The following HS3ST4 variants were observed in gnomAD, a reference collection of about 807,000 sequenced individuals.
HS3ST4 encodes heparan sulfate glucosamine 3-O-sulfotransferase 4.
HS3ST4 carries 17 observed loss-of-function variants against 29.2 expected under a neutral mutation model. The ratio of observed to expected loss-of-function variants is 0.58; its 90% CI spans 0.40 to 0.87. The LOEUF is 0.87. HS3ST4 is among the 40% of genes least tolerant of loss of function. The pLI is 0.00. For synonymous variants in HS3ST4, 314 were observed against 285.7 expected, an observed-to-expected ratio of 1.10 and a Z score of -1.00; for missense variants, 627 against 634.5, an observed-to-expected ratio of 0.99 and a Z score of 0.13.
At chr16:25,872,304 G>T (rs1015627463) in intron 1 of HS3ST4, among the ~76,000 whole-genome samples, 16 of 152,106 alleles carry the variant, frequency 1.1e-4, no homozygotes, top group Non-Finnish European at 1.5e-5. Context: ...TAGTCTGCTG[G>T]AGTGGTTGTG....
intron 1 of HS3ST4, among the ~76,000 whole-genome samples, chr16:25,912,392 C>T (rs1968250043): frequency 6.6e-6 from 1 of 152,108 alleles, no homozygotes; most frequent in Non-Finnish European, 1.5e-5. Flanking sequence ...AGACTTTTTA[C>T]CCCATTTCTG....
At chr16:25,923,700 C>G (rs558450929) in intron 1 of HS3ST4, among the ~76,000 whole-genome samples, 2 of 152,326 alleles carry the variant, frequency 1.3e-5, no homozygotes, top group Middle Eastern at 3.4e-3. Context: ...ATTGTCCCCT[C>G]TCACTGCCTG....
intron 1 of HS3ST4, among the ~76,000 whole-genome samples, chr16:25,693,389 G>A (rs1966271735): frequency 6.6e-6 from 1 of 152,238 alleles, no homozygotes; most frequent in South Asian, 2.1e-4. Context: ...CCTGCCTCCC[G>A]CGCTCCTCAT....
At chr16:26,045,481 T>A (rs1596661590) in intron 1 of HS3ST4, among the ~76,000 whole-genome samples, 1 of 152,164 alleles carries the variant, frequency 6.6e-6, no homozygotes, top group East Asian at 1.9e-4. Flanking sequence ...ACTAATTTAG[T>A]TGAATGTAGC....
intron 1 of HS3ST4, among the ~76,000 whole-genome samples, chr16:25,983,823 A>C (rs3935163): frequency 0.42 from 63,546 of 152,026 alleles, 14,692 homozygotes; most frequent in East Asian, 0.79. Flanking sequence ...TAGTAATTTC[A>C]GGGTTGGTGG....
intron 1 of HS3ST4, among the ~76,000 whole-genome samples, chr16:25,970,798 TC>T (rs1968889363): frequency 6.6e-6 from 1 of 152,120 alleles, no homozygotes; most frequent in Non-Finnish European, 1.5e-5. Context: ...ATTTATTCAT[TC>T]ATTCATTCCT....
intron 1 of HS3ST4, among the ~76,000 whole-genome samples, chr16:25,717,510 GGTGTGTGTGTGTGTGTGTGTGT>G (rs763190199): frequency 7.5e-6 from 1 of 132,830 alleles, no homozygotes; most frequent in Non-Finnish European, 1.6e-5. Context: ...AAGGTGAAGG[GGTGTGTGTGTGTGTGTGTGTGT>G]GTGTGTGTGT....
At chr16:26,088,211 C>T (rs1898813122) in intron 1 of HS3ST4, among the ~76,000 whole-genome samples, 1 of 152,192 alleles carries the variant, frequency 6.6e-6, no homozygotes, top group Non-Finnish European at 1.5e-5. Flanking sequence ...TGTTCCTCTT[C>T]CTCTAGGTAA....
intron 1 of HS3ST4, among the ~76,000 whole-genome samples, chr16:25,997,071 A>G (rs1026334415): frequency 6.6e-6 from 1 of 152,194 alleles, no homozygotes; most frequent in Non-Finnish European, 1.5e-5. Context: ...TGATTTTTGT[A>G]CATTTATCTC....
chr16:25,726,991 G>T (rs2141592018), intron 1 of HS3ST4, among the ~76,000 whole-genome samples: 1 of 151,648 alleles, frequency 6.6e-6, no homozygotes, highest in African/African-American at 2.4e-5. Context: ...AACCCCACAT[G>T]GCACAATTGT....
At chr16:25,717,831 A>G (rs1966466948) in intron 1 of HS3ST4, among the ~76,000 whole-genome samples, 1 of 152,128 alleles carries the variant, frequency 6.6e-6, no homozygotes, top group Non-Finnish European at 1.5e-5. Flanking sequence ...CCTAATTGCT[A>G]TGTGGGCAAT....
intron 1 of HS3ST4, among the ~76,000 whole-genome samples, chr16:26,001,346 A>G (rs1969210129): frequency 6.6e-6 from 1 of 152,226 alleles, no homozygotes; most frequent in African/African-American, 2.4e-5. Flanking sequence ...ATGTGAATAT[A>G]CATAAAGGGC....
chr16:25,733,644 T>G (rs1456664534), intron 1 of HS3ST4, among the ~76,000 whole-genome samples: 1 of 152,064 alleles, frequency 6.6e-6, no homozygotes, highest in Non-Finnish European at 1.5e-5. Flanking sequence ...TTGGATTCTG[T>G]CCTGTCCCCT....
intron 1 of HS3ST4, among the ~76,000 whole-genome samples, chr16:26,132,573 T>C (rs1899434526): frequency 6.6e-6 from 1 of 152,264 alleles, no homozygotes; most frequent in East Asian, 1.9e-4. Context: ...GGGTACCATT[T>C]TGTCCCAGAT....
At chr16:25,750,105 ATCC>A (rs1401584241) in intron 1 of HS3ST4, among the ~76,000 whole-genome samples, 1 of 152,150 alleles carries the variant, frequency 6.6e-6, no homozygotes, top group African/African-American at 2.4e-5. Context: ...TGCTACTGAA[ATCC>A]TCTGGAGTCT....
At chr16:25,939,935 C>G (rs1047255894) in intron 1 of HS3ST4, among the ~76,000 whole-genome samples, 1 of 152,198 alleles carries the variant, frequency 6.6e-6, no homozygotes, top group Non-Finnish European at 1.5e-5. Context: ...GGATAAGACT[C>G]TGGACCCCAA....
intron 1 of HS3ST4, among the ~76,000 whole-genome samples, chr16:25,702,100 C>T (rs1465797847): frequency 1.3e-5 from 2 of 152,102 alleles, no homozygotes; most frequent in African/African-American, 4.8e-5. Context: ...ATTACTGTTA[C>T]TATTATTTAA....
intron 1 of HS3ST4, among the ~76,000 whole-genome samples, chr16:26,117,261 G>C (rs976788988): frequency 1.3e-5 from 2 of 152,182 alleles, no homozygotes; most frequent in Admixed American, 6.5e-5. Flanking sequence ...CAGGCAGCAA[G>C]CCCCACAACC....
chr16:25,711,066 TC>T (rs1212140674), intron 1 of HS3ST4, among the ~76,000 whole-genome samples: 1 of 152,006 alleles, frequency 6.6e-6, no homozygotes, highest in Non-Finnish European at 1.5e-5. Context: ...CAAGCGATCT[TC>T]TTGCCTCAGT....
Sources: allele counts gnomAD v4.1 joint callset (sites outside exome capture counted in the v4.1 genomes callset), GRCh38; gene constraint gnomAD v4.1.1; transcripts MANE v1.5; gene names NCBI Gene and HGNC (gene_info 2026-07-23, HGNC 2026-07-21).